PPIP5K2: variants seen among roughly 807,000 people sequenced by gnomAD.
PPIP5K2 encodes inositol hexakisphosphate and diphosphoinositol-pentakisphosphate kinase 2.
In PPIP5K2, 105 loss-of-function variants were observed where a neutral mutation model predicts 154.6. That is an observed-to-expected ratio of 0.68 (90% CI 0.58 to 0.80). The LOEUF (loss-of-function observed/expected upper bound fraction) is 0.80. Ranked by LOEUF, PPIP5K2 falls within the 30% of genes least tolerant of loss-of-function variation. The probability of loss-of-function intolerance (pLI) is 0.00; values close to 1 mark genes in which losing one functional copy is unlikely to be tolerated. For missense variants in PPIP5K2, 992 were observed against 1,504.6 expected (o/e 0.66, Z 5.64); for synonymous variants, 480 against 490.3 (o/e 0.98, Z 0.28).
At chr5:103,159,369 C>A (rs1554214913) in intron 17 of PPIP5K2, 41 bp downstream of exon 17, 17 of 1,479,400 alleles carry the variant, frequency 1.1e-5, no homozygotes, top group Non-Finnish European at 1.4e-5. Context: ...ATATTACACA[C>A]ACACAGAAAA....
At chr5:103,162,703 A>G (rs782649611) in intron 17 of PPIP5K2, among the ~76,000 whole-genome samples, 20 of 151,848 alleles carry the variant, frequency 1.3e-4, no homozygotes, top group Non-Finnish European at 1.9e-4. Flanking sequence ...GTTTTTCATG[A>G]TTTCCAAGTT....
intron 17 of PPIP5K2, 70 bp from the exon 18 acceptor site, chr5:103,167,109 T>C: frequency 8.6e-7 from 1 of 1,169,420 alleles, no homozygotes. Context: ...GAAAATTTTG[T>C]ATATATATAT....
intron 28 of PPIP5K2, among the ~76,000 whole-genome samples, chr5:103,187,971 A>G (rs188295550): frequency 2.8e-3 from 420 of 152,250 alleles, no homozygotes; most frequent in Non-Finnish European, 4.9e-3. Flanking sequence ...TTGTGTAGCA[A>G]TGTGGTTTGC....
At chr5:103,194,879 T>C (rs1199577127) in intron 29 of PPIP5K2, 21 bp from the exon 30 acceptor site, 6 of 1,595,550 alleles carry the variant, frequency 3.8e-6, no homozygotes, top group Non-Finnish European at 5.1e-6. Context: ...TAAATTAACA[T>C]GTTTGTTTAT....
intron 26 of PPIP5K2, 52 bp downstream of exon 26, chr5:103,184,796 G>A (rs533056362): frequency 1.4e-6 from 2 of 1,395,344 alleles, no homozygotes; most frequent in East Asian, 4.6e-5. Flanking sequence ...ACTCACTATT[G>A]TGCACACATG....
In PPIP5K2 at chr5:103,190,933, T is replaced by C. The variant is rs782434809; in HGVS notation, c.3444T>C (p.Ala1148=). The change falls in exon 29 of 31, where the codon GCT becomes GCC. Residue 1148 remains alanine (A), a synonymous_variant. Coordinates refer to ENST00000358359, the MANE Select transcript of PPIP5K2 (RefSeq NM_001276277.3). ...LSLKQVDEFL[A]SIASPSSDVP... is the part of the protein sequence containing the mutation. ...TAAAGCAAGTGGATGAATTTCTTGCTTCCATTGCTTCTCCATCATCTGACG... is the reference window on the plus strand; with the variant it reads ...TAAAGCAAGTGGATGAATTTCTTGCCTCCATTGCTTCTCCATCATCTGACG... The C allele has an allele frequency of 6.2e-7, 1 of 1,610,828 alleles. No homozygotes were observed. The highest frequency in any genetic ancestry group is 1.1e-5 in the South Asian group (1 of 90,554).
At chr5:103,130,340 T>C (rs1206340641) in intron 2 of PPIP5K2, among the ~76,000 whole-genome samples, 4 of 152,180 alleles carry the variant, frequency 2.6e-5, no homozygotes, top group African/African-American at 9.6e-5. Context: ...TTCTTACTCA[T>C]CATTTAATTT....
In PPIP5K2 at chr5:103,149,321, G is replaced by GTTA; in HGVS notation, c.906+10_906+12dup. ...GTCTGCCTTGCTTTTAAGGTAAGATGTTATACAGGCCTATAGATCCTTATA... is the reference window on the plus strand; with the variant it reads ...GTCTGCCTTGCTTTTAAGGTAAGATGTTATTATACAGGCCTATAGATCCTTATA... On this transcript the variant is annotated intron_variant, in intron 8 of 30. Transcript: ENST00000358359. 6.2e-7 allele frequency: 1 copy of GTTA among 1,611,164 alleles called. No homozygotes were observed. The highest frequency in any genetic ancestry group is 1.1e-5 in the South Asian group (1 of 90,678).
At position 103,201,585 on chromosome 5, in the gene PPIP5K2, G is replaced by C; in HGVS notation, c.3683G>C (p.Ser1228Thr). Residue 1228 changes from serine to threonine, a missense_variant, in exon 31 of 31, where the codon AGC (serine) becomes ACC (threonine). By Grantham distance (58) the Ser-to-Thr change is moderately conservative. Around this residue, in one of 9 missense-constraint regions of PPIP5K2, gnomAD observed 131 missense variants for 117.8 expected, o/e 1.11. Transcript: ENST00000358359. ...NTSSRKKNITSKTETHEHKKN... is the reference protein window; with the variant it reads ...NTSSRKKNITTKTETHEHKKN... ...TCATCTCGGAAAAAGAATATAACTA[G>C]CAAAACAGAAACGCATGAACACAAA... The C allele has an allele frequency of 6.2e-7, 1 of 1,610,016 alleles. No homozygotes were observed.
chr5:103,165,389 A>G (rs902262216), intron 17 of PPIP5K2, among the ~76,000 whole-genome samples: 3 of 152,134 alleles, frequency 2.0e-5, no homozygotes, highest in Admixed American at 2.0e-4. Context: ...AGCCTTAGCA[A>G]TAATGTGAAC....
chr5:103,181,717 T>A (rs935236001), intron 24 of PPIP5K2, among the ~76,000 whole-genome samples: 3 of 152,166 alleles, frequency 2.0e-5, no homozygotes, highest in Non-Finnish European at 4.4e-5. Flanking sequence ...AGGTATAGCA[T>A]TTTTTAGCAT....
At chr5:103,144,751 A>G (rs1366999560) in intron 5 of PPIP5K2, among the ~76,000 whole-genome samples, 1 of 152,180 alleles carries the variant, frequency 6.6e-6, no homozygotes, top group Admixed American at 6.5e-5. Flanking sequence ...ATCTCTCTCC[A>G]TATACATAAT....
rs782525047 is a variant in PPIP5K2 at position 103,133,475 on chromosome 5, T to C, written c.137T>C (p.Val46Ala). 3 of 1,605,246 alleles carry C rather than the reference T, an allele frequency of 1.9e-6. No individual in the cohort carries two copies. The highest frequency in any genetic ancestry group is 1.7e-5 in the Admixed American group (1 of 57,728). Residue 46 changes from valine to alanine, a missense_variant, in exon 3 of 31, where the codon GTT (valine) becomes GCT (alanine). By Grantham distance (64) the Val-to-Ala change is moderately conservative. Transcript: ENST00000358359. ...DDSPPERQIV[V>A]GICSMAKKSK... Reference sequence around the variant, plus strand: ...TAGCCACCAGAAAGGCAGATTGTGGTTGGAATATGTTCCATGGCAAAGAAA... The same window carrying C: ...TAGCCACCAGAAAGGCAGATTGTGGCTGGAATATGTTCCATGGCAAAGAAA...
Position 103,154,692 on chromosome 5 carries a change from T to C in PPIP5K2, c.1240T>C (p.Cys414Arg), listed in dbSNP as rs782770213. 1 of 1,563,018 alleles carries C rather than the reference T, an allele frequency of 6.4e-7. No homozygotes were observed. Among genetic ancestry groups the C allele is most frequent in the South Asian group, 1.2e-5 (1 of 84,340 alleles). ...HQKFFDLFEKCDGYKSGKLKL... is the reference protein window; with the variant it reads ...HQKFFDLFEKRDGYKSGKLKL... ...AAGATTTTTTGATCTTTTTGAAAAG[T>C]GTGATGGATATAAATCAGGGAAATT... Residue 414 changes from cysteine to arginine, a missense_variant, in exon 12 of 31, where the codon TGT (cysteine) becomes CGT (arginine). Physicochemically the swap from Cys to Arg is radical, Grantham distance 180. Around this residue, in one of 9 missense-constraint regions of PPIP5K2, gnomAD observed 163 missense variants for 285.2 expected, o/e 0.57. Transcript: ENST00000358359.
intron 2 of PPIP5K2, among the ~76,000 whole-genome samples, chr5:103,132,622 G>A (rs1421172261): frequency 6.6e-6 from 1 of 152,042 alleles, no homozygotes; most frequent in African/African-American, 2.4e-5. Context: ...GCCCAGAAAA[G>A]CACTTTCAAG....
intron 26 of PPIP5K2, among the ~76,000 whole-genome samples, chr5:103,185,928 GTGT>G (rs1449848208): frequency 6.7e-6 from 1 of 149,952 alleles, no homozygotes; most frequent in Non-Finnish European, 1.5e-5. Flanking sequence ...GCTAGAAGGA[GTGT>G]TTTTTTTTTT....
At chr5:103,156,052 G>A in intron 14 of PPIP5K2, 58 bp downstream of exon 14, 1 of 1,167,812 alleles carries the variant, frequency 8.6e-7, no homozygotes, top group Non-Finnish European at 1.3e-6. Context: ...GTTATTCACT[G>A]TTGATTACCT....
rs1394368114 is a variant in PPIP5K2, at chr5:103,205,313, T to C, written c.*3679T>C. On this transcript the variant is annotated 3_prime_UTR_variant, in exon 31 of 31. Transcript: ENST00000358359. ...GTGCCACAATAAACATACGTGTGCATGTGTCTTTATAGTGGCATGATTTAT... is the reference window on the plus strand; with the variant it reads ...GTGCCACAATAAACATACGTGTGCACGTGTCTTTATAGTGGCATGATTTAT... 1 of 152,220 alleles carries C rather than the reference T, an allele frequency of 6.6e-6. No homozygotes were observed. The highest frequency in any genetic ancestry group is 1.5e-5 in the Non-Finnish European group (1 of 68,044). 9.4% of individuals were successfully genotyped at this position (152,220 alleles called of 1,614,324 possible). A position where few individuals can be genotyped will look rare whatever the true frequency, so the allele number is the denominator to read the frequency against.
intron 30 of PPIP5K2, among the ~76,000 whole-genome samples, chr5:103,199,705 T>C (rs1802673442): frequency 6.6e-6 from 1 of 152,186 alleles, no homozygotes; most frequent in Non-Finnish European, 1.5e-5. Context: ...TGTTTACTTT[T>C]ACTTCTACTT....
Sources: allele counts gnomAD v4.1 joint callset (sites outside exome capture counted in the v4.1 genomes callset), GRCh38; gene constraint gnomAD v4.1.1; regional missense constraint gnomAD v4.1.1; transcripts MANE v1.5; gene names NCBI Gene and HGNC (gene_info 2026-07-23, HGNC 2026-07-21).